The following GFI1B variants were observed in gnomAD, a reference collection of about 807,000 sequenced individuals.
The protein encoded by GFI1B is growth factor independent 1B transcriptional repressor.
A neutral mutation model predicts 35.3 loss-of-function variants in GFI1B; 20 were observed. That is an observed-to-expected ratio of 0.57 (90% CI 0.40 to 0.82). GFI1B has a LOEUF of 0.82. Ranked by LOEUF, GFI1B falls within the 40% of genes least tolerant of loss-of-function variation. The pLI, the probability that GFI1B is intolerant of heterozygous loss-of-function variation, is 0.00. For missense variants in GFI1B, 430 were observed against 446.3 expected, an observed-to-expected ratio of 0.96 and a Z score of 0.33; for synonymous variants, 178 against 177.6, an observed-to-expected ratio of 1.00 and a Z score of -0.02.
chr9:132,986,508 G>A lies in GFI1B; in HGVS notation c.-20-151G>A, dbSNP rs578113282. On this transcript the variant is annotated intron_variant, in intron 1 of 6. Coordinates refer to ENST00000372122, the MANE Select transcript of GFI1B (RefSeq NM_001377304.1). ...GCAAAAACACCCTATTGCTAATAAG[G>A]TCACATTCACAGGTTCTGGGTGGAC... Among the ~76,000 whole-genome samples, 50 of 152,282 alleles carry A rather than the reference G, an allele frequency of 3.3e-4. No individual in the cohort carries two copies. The Middle Eastern group carries it at 0.01, about 31-fold the overall frequency.
At chr9:132,953,518 G>A (rs975922877) in intron 1 of GFI1B, 3 of 152,284 alleles carry the variant, frequency 2.0e-5, no homozygotes, top group African/African-American at 7.2e-5. Context: ...GCTGGGCATG[G>A]TGGCGAGTAC....
Position 132,988,472 on chromosome 9 carries a change from G to C in GFI1B, c.510+4G>C. 6.2e-7 allele frequency: 1 copy of C among 1,612,778 alleles called. No homozygotes were observed. The highest frequency in any genetic ancestry group is 8.5e-7 in the Non-Finnish European group (1 of 1,179,850). Reference sequence around the variant, plus strand: ...CCACTGTGTGAAGTGCAACAAGGTGGGCAGCGGGGGGTGTGGTGGGCACCT... The same window carrying C: ...CCACTGTGTGAAGTGCAACAAGGTGCGCAGCGGGGGGTGTGGTGGGCACCT... On this transcript the variant is annotated splice_donor_region_variant and intron_variant, in intron 4 of 6. Coordinates refer to ENST00000372122, the MANE Select transcript of GFI1B (RefSeq NM_001377304.1).
At position 132,988,423 on chromosome 9, in the gene GFI1B, C is replaced by A. The variant is rs1431715033; in HGVS notation, c.465C>A (p.Arg155=). 6.2e-7 allele frequency: 1 copy of A among 1,613,982 alleles called. No individual in the cohort carries two copies. The highest frequency in any genetic ancestry group is 8.5e-7 in the Non-Finnish European group (1 of 1,180,010). ...STEPALDFSL[R]YSPGMDAYHC... ...AGCCCGCCTTGGACTTCAGCCTCCG[C>A]TACTCCCCAGGCATGGATGCGTACC... The change falls in exon 4 of 7, where the codon CGC becomes CGA. Residue 155 remains arginine, a synonymous_variant. Coordinates refer to ENST00000372122, the MANE Select transcript of GFI1B (RefSeq NM_001377304.1).
intron 1 of GFI1B, among the ~76,000 whole-genome samples, chr9:132,981,476 A>T (rs1848818172): frequency 6.6e-6 from 1 of 152,066 alleles, no homozygotes; most frequent in Admixed American, 6.6e-5. Flanking sequence ...CGTCTCTACA[A>T]AAAATACAAA....
chr9:132,948,858 T>G (rs960988200), intron 1 of GFI1B, among the ~76,000 whole-genome samples: 2 of 152,228 alleles, frequency 1.3e-5, no homozygotes, highest in Non-Finnish European at 2.9e-5. Flanking sequence ...CCGTTTGCCC[T>G]TCTCTGTCTG....
chr9:132,946,994 TTACC>T (rs1848119939), intron 1 of GFI1B: 1 of 152,504 alleles, frequency 6.6e-6, no homozygotes, highest in Non-Finnish European at 1.5e-5. Flanking sequence ...CTCCTGCCAC[TTACC>T]AGGCTGGGCC....
downstream of GFI1B, among the ~76,000 whole-genome samples, chr9:132,992,035 C>T (rs779532244): frequency 1.2e-4 from 18 of 152,164 alleles, no homozygotes; most frequent in Non-Finnish European, 2.6e-4. Context: ...CAAAATGAGT[C>T]TCATGGGGCT....
chr9:132,968,875 C>T (rs933732207), intron 1 of GFI1B, among the ~76,000 whole-genome samples: 1 of 152,050 alleles, frequency 6.6e-6, no homozygotes, highest in African/African-American at 2.4e-5. Flanking sequence ...GGCTTAAGTA[C>T]GTTCATATCA....
At position 132,956,303 on chromosome 9, in the gene GFI1B, A is replaced by AT. The variant is rs72102439; in HGVS notation, c.-701+10644dup. Among the ~76,000 whole-genome samples the AT allele has an allele frequency of 6.8e-3, 1,019 of 149,820 alleles. 7 individuals carry two copies. The highest frequency in any genetic ancestry group is 0.023 in the African/African-American group (939 of 40,946). The stretch of plus-strand genomic sequence containing the variant: ...TTTTCCTCCACCTCCTTTTGTTATT[A>AT]TTTTTTTTTTGGCAAAGAAAAACAT... On this transcript the variant is annotated intron_variant, in intron 1 of 10. Coordinates refer to the GFI1B transcript ENST00000339463.
In GFI1B at chr9:132,989,984, C is replaced by G; in HGVS notation, c.814+77C>G. The G allele has an allele frequency of 3.1e-6, 4 of 1,307,408 alleles. 1 individual carries two copies. Among genetic ancestry groups the G allele is most frequent in the Non-Finnish European group, 3.3e-6 (3 of 911,438 alleles). The allele number at this position is 1,307,408 out of a possible 1,614,324, so 81.0% of individuals were successfully genotyped here. A position where few individuals can be genotyped will look rare whatever the true frequency, so the allele number is the denominator to read the frequency against. The stretch of plus-strand genomic sequence containing the variant: ...CCCTGAGAGATGCATCAGAGGCCCC[C>G]AGCGTGAGGCTGGGGGCGGGGTCTA... On this transcript the variant is annotated intron_variant, in intron 6 of 6. Coordinates refer to ENST00000372122, the MANE Select transcript of GFI1B (RefSeq NM_001377304.1). The surrounding 1 kb of genome is among the most constrained non-coding windows in gnomAD (Gnocchi z 6.2).
Position 132,948,366 on chromosome 9 carries a change from G to A in GFI1B, c.-701+2697G>A, listed in dbSNP as rs142236733. Among the ~76,000 whole-genome samples the A allele has an allele frequency of 4.3e-3, 659 of 152,242 alleles. 8 individuals are homozygous for A. The highest frequency in any genetic ancestry group is 0.014 in the African/African-American group (593 of 41,540). Reference sequence around the variant, plus strand: ...TCATGCTGCTATCTCCTGCATTTCCGGAGTCCCTGAAACCAGCTTTGCCCT... The same window carrying A: ...TCATGCTGCTATCTCCTGCATTTCCAGAGTCCCTGAAACCAGCTTTGCCCT... On this transcript the variant is annotated intron_variant, in intron 1 of 10. Transcript: ENST00000339463.
intron 1 of GFI1B, chr9:132,952,764 G>C (rs1848221035): frequency 6.6e-6 from 1 of 152,158 alleles, no homozygotes; most frequent in Non-Finnish European, 1.5e-5. Flanking sequence ...TCTACAGTAG[G>C]TATGATGTTT....
At chr9:132,987,496 C>T in intron 3 of GFI1B, 77 bp downstream of exon 3, 3 of 1,539,572 alleles carry the variant, frequency 1.9e-6, no homozygotes, top group Non-Finnish European at 2.7e-6. Context: ...TGCAGCAGGG[C>T]CCCTTGGGGC....
At chr9:132,979,396 C>T (rs746955286) in intron 1 of GFI1B, among the ~76,000 whole-genome samples, 1 of 152,042 alleles carries the variant, frequency 6.6e-6, no homozygotes, top group Non-Finnish European at 1.5e-5. Flanking sequence ...CGTGTTACCA[C>T]GCCTGGCTAA....
In GFI1B at chr9:132,957,329, C is replaced by CT. The variant is rs1379525340; in HGVS notation, c.-701+11661dup. On this transcript the variant is annotated intron_variant, in intron 1 of 10. Transcript: ENST00000339463. ...CCACAGTACTCTTCTGTTCATACATCTACCATCCTAGTCATCACAGTAATA... is the reference window on the plus strand; with the variant it reads ...CCACAGTACTCTTCTGTTCATACATCTTACCATCCTAGTCATCACAGTAATA... Among the ~76,000 whole-genome samples, 9 of 152,376 alleles carry CT rather than the reference C, an allele frequency of 5.9e-5. No homozygotes were observed. In the East Asian group the frequency reaches 1.3e-3, roughly 23 times the overall value.
chr9:132,971,969 G>A (rs1203987547), intron 1 of GFI1B, among the ~76,000 whole-genome samples: 2 of 79,438 alleles, frequency 2.5e-5, no homozygotes. Flanking sequence ...GCAAGACTCT[G>A]TCTAAAAAAA....
chr9:132,951,926 C>A (rs1848209183), intron 1 of GFI1B: 1 of 152,052 alleles, frequency 6.6e-6, no homozygotes, highest in Non-Finnish European at 1.5e-5. Context: ...CACCACCACA[C>A]CGGGATAATT....
In GFI1B at chr9:132,986,659, G is replaced by A. The variant is rs765450265; in HGVS notation, c.-20G>A. ...CCGCTCCCATCCCTCCCCCTTGCAG[G>A]TGTGGGGTGCACACTGAAAATGCCA... On this transcript the variant is annotated splice_region_variant and 5_prime_UTR_variant, in exon 2 of 7. In the 5' UTR this introduces an upstream ATG that the reference lacks. Coordinates refer to ENST00000372122, the MANE Select transcript of GFI1B (RefSeq NM_001377304.1). 12 of 1,506,050 alleles carry A rather than the reference G, an allele frequency of 8.0e-6. No homozygotes were observed. In the African/African-American group the frequency reaches 1.5e-4, roughly 19 times the overall value. 93.3% of individuals were successfully genotyped at this position (1,506,050 alleles called of 1,614,324 possible). A position where few individuals can be genotyped will look rare whatever the true frequency, so the allele number is the denominator to read the frequency against.
At chr9:132,955,798 G>GTGCA (rs1257682533) in intron 1 of GFI1B, among the ~76,000 whole-genome samples, 105 of 140,610 alleles carry the variant, frequency 7.5e-4, no homozygotes, top group African/African-American at 2.7e-3. Flanking sequence ...TGATGTGTGT[G>GTGCA]TGTGTGTGCA....
Sources: gnomAD v4.1 joint callset for allele counts (sites outside exome capture counted in the v4.1 genomes callset) on GRCh38, gnomAD v4.1.1 for gene constraint, Gnocchi (gnomAD v3.1) non-coding constraint, MANE v1.5 for transcripts, NCBI Gene and HGNC (gene_info 2026-07-23, HGNC 2026-07-21) for gene names.